Variants in MYH14 observed in about 807,000 individuals in gnomAD.
MYH14 encodes the protein myosin heavy chain 14.
In MYH14, 123 loss-of-function variants were observed where a neutral mutation model predicts 255.5. The observed-to-expected ratio is 0.48, with a 90% confidence interval of 0.42 to 0.56. The LOEUF is 0.56. MYH14 is among the 20% of genes least tolerant of loss of function. The probability of loss-of-function intolerance (pLI) is 0.00; values close to 1 mark genes in which losing one functional copy is unlikely to be tolerated. For missense variants in MYH14, 2,423 were observed against 2,802.3 expected, an observed-to-expected ratio of 0.86 and a Z score of 3.06; for synonymous variants, 1,095 against 1,161.2, an observed-to-expected ratio of 0.94 and a Z score of 1.16.
intron 39 of MYH14, among the ~76,000 whole-genome samples, chr19:50,298,997 C>G (rs541360677): frequency 7.9e-5 from 12 of 151,238 alleles, no homozygotes; most frequent in African/African-American, 2.9e-4. Flanking sequence ...AGGCTGAGGC[C>G]GGAGAATCGC....
At chr19:50,208,548 ACTAT>A (rs1335787590) in intron 1 of MYH14, among the ~76,000 whole-genome samples, 1 of 152,336 alleles carries the variant, frequency 6.6e-6, no homozygotes, top group Non-Finnish European at 1.5e-5. Context: ...CAAAAACCAT[ACTAT>A]CTAATTTACA....
chr19:50,278,033 T>G, intron 29 of MYH14, 50 bp from the exon 30 acceptor site: 1 of 1,417,948 alleles, frequency 7.1e-7, no homozygotes. Flanking sequence ...GTGCCTGGCC[T>G]GGTCCAGGAA....
In MYH14 at chr19:50,261,469, T is replaced by G; in HGVS notation, c.2425-6T>G. On this transcript the variant is annotated splice_polypyrimidine_tract_variant and splice_region_variant and intron_variant, in intron 20 of 42. Coordinates refer to ENST00000642316, the MANE Select transcript of MYH14 (RefSeq NM_001145809.2). ...TCCGTCATCACCCCTCTCCCACCCC[T>G]CACAGATCCAGGCGCTGGAACTGGA... The G allele has an allele frequency of 9.7e-7, 1 of 1,025,672 alleles. No individual in the cohort carries two copies. The highest frequency in any genetic ancestry group is 1.2e-6 in the Non-Finnish European group (1 of 822,930). 63.5% of individuals were successfully genotyped at this position (1,025,672 alleles called of 1,614,324 possible). A position where few individuals can be genotyped will look rare whatever the true frequency, so the allele number is the denominator to read the frequency against.
At chr19:50,251,506 TATATATATACACACTACACACACAC>T (rs1568500338) in intron 15 of MYH14, among the ~76,000 whole-genome samples, 9,206 of 124,344 alleles carry the variant, frequency 0.074, 527 homozygotes, top group East Asian at 0.21. Flanking sequence ...TATACACACA[TATATATATACACACTACACACACAC>T]ACACACACAC....
At position 50,268,524 on chromosome 19, in the gene MYH14, G is replaced by A. The variant is rs920498308; in HGVS notation, c.3033+157G>A. Among the ~76,000 whole-genome samples the A allele has an allele frequency of 5.3e-5, 8 of 152,234 alleles. 1 individual carries two copies. Among genetic ancestry groups the A allele is most frequent in the Admixed American group, 3.3e-4 (5 of 15,280 alleles). The stretch of plus-strand genomic sequence containing the variant: ...AAAGAATACATTTTTGATTCAGATC[G>A]CGGGAGACCTTAAAATGTGTGAGCT... On this transcript the variant is annotated intron_variant, in intron 24 of 42. Transcript: ENST00000642316.
rs1177555982 is a variant in MYH14 at position 50,280,397 on chromosome 19, C to T, written c.4290+14C>T. The T allele has an allele frequency of 9.9e-6, 15 of 1,517,348 alleles. No homozygotes were observed. Among genetic ancestry groups the T allele is most frequent in the East Asian group, 2.5e-5 (1 of 40,392 alleles). 94.0% of individuals were successfully genotyped at this position (1,517,348 alleles called of 1,614,324 possible). On this transcript the variant is annotated intron_variant, in intron 32 of 42. Coordinates refer to ENST00000642316, the MANE Select transcript of MYH14 (RefSeq NM_001145809.2). This position sits in a 1 kb window ranked among gnomAD's most constrained non-coding sequence, Gnocchi z 4.8. ...GCCCAGGCCCAGGTGAGCAGCCCTA[C>T]GTAAGACCTTCAGGGAGGCACAGCC...
intron 19 of MYH14, among the ~76,000 whole-genome samples, 182 bp downstream of exon 19, chr19:50,259,447 C>T (rs1274686648): frequency 6.6e-6 from 1 of 152,180 alleles, no homozygotes; most frequent in Non-Finnish European, 1.5e-5. Context: ...AACAATAGCC[C>T]ACTTGATGCA....
intron 8 of MYH14, among the ~76,000 whole-genome samples, chr19:50,227,168 G>A (rs910450338): frequency 1.3e-5 from 2 of 152,054 alleles, no homozygotes; most frequent in African/African-American, 2.4e-5. Flanking sequence ...ATGGGGTGGT[G>A]GGTTGGGGTC....
intron 10 of MYH14, among the ~76,000 whole-genome samples, chr19:50,233,852 G>A (rs10420067): frequency 0.48 from 63,314 of 131,518 alleles, 14,705 homozygotes; most frequent in East Asian, 0.6. Flanking sequence ...TTTTTGAGAC[G>A]GAGTCTTGCT....
At chr19:50,277,589 CAG>C (rs1169193051) in intron 29 of MYH14, among the ~76,000 whole-genome samples, 2 of 151,866 alleles carry the variant, frequency 1.3e-5, no homozygotes, top group Non-Finnish European at 2.9e-5. Context: ...GCCTGGGTGA[CAG>C]AGCAAGACTC....
intron 34 of MYH14, among the ~76,000 whole-genome samples, chr19:50,287,661 C>T (rs1261932651): frequency 6.6e-6 from 1 of 152,154 alleles, no homozygotes; most frequent in Non-Finnish European, 1.5e-5. Context: ...AATCCTCCCA[C>T]TTCAGCCTCC....
chr19:50,232,015 C>A lies in MYH14; in HGVS notation c.1059C>A (p.Phe353Leu). ...CTCCCGGCCAGGAGCGGGAACTCTT[C>A]CAGGAGACGCTGGAGTCGCTGCGGG... ...SSSPGQERELFQETLESLRVL... is the reference protein window; with the variant it reads ...SSSPGQERELLQETLESLRVL... The change falls in exon 10 of 43, where the codon TTC (phenylalanine) becomes TTA (leucine). Residue 353 changes from phenylalanine (F) to leucine (L), a missense_variant. Physicochemically the swap from Phe to Leu is conservative, Grantham distance 22. This residue lies in a region of MYH14 where 672 missense variants were observed against 881.8 expected (regional missense o/e 0.76). Transcript: ENST00000642316. 6.2e-7 allele frequency: 1 copy of A among 1,613,722 alleles called. No homozygotes were observed.
At position 50,276,832 on chromosome 19, in the gene MYH14, G is replaced by A. The variant is rs368640289; in HGVS notation, c.3756G>A (p.Val1252=). 16 of 1,612,808 alleles carry A rather than the reference G, an allele frequency of 9.9e-6. No homozygotes were observed. The East Asian group carries it at 1.1e-4, about 11-fold the overall frequency. ...EEETRIHEAA[V]QELRQRHGQA... ...AGACTCGCATCCACGAGGCGGCAGT[G>A]CAGGAGCTGAGGCAGCGCCACGGCC... Residue 1252 remains valine (V), a synonymous_variant, in exon 29 of 43, where the codon GTG becomes GTA. Coordinates refer to ENST00000642316, the MANE Select transcript of MYH14 (RefSeq NM_001145809.2). This position sits in a 1 kb window ranked among gnomAD's most constrained non-coding sequence, Gnocchi z 4.3.
At chr19:50,307,781 G>C (rs1261173570) in intron 41 of MYH14, among the ~76,000 whole-genome samples, 1 of 152,218 alleles carries the variant, frequency 6.6e-6, no homozygotes, top group Non-Finnish European at 1.5e-5. Context: ...GATATATTTT[G>C]CATCAGAGTC....
chr19:50,228,556 C>G (rs1221337540), intron 8 of MYH14, among the ~76,000 whole-genome samples: 1 of 152,134 alleles, frequency 6.6e-6, no homozygotes, highest in South Asian at 2.1e-4. Flanking sequence ...AAGTCCCCAG[C>G]AGCACCGCAG....
At chr19:50,302,003 C>T in intron 40 of MYH14, 134 bp downstream of exon 40, 2 of 726,784 alleles carry the variant, frequency 2.8e-6, no homozygotes, top group Non-Finnish European at 4.5e-6. Context: ...GCTGGCCTGG[C>T]ATGGTGGCTC....
In MYH14 at chr19:50,280,003, A is replaced by G; in HGVS notation, c.4033-34A>G. 1 of 1,515,640 alleles carries G rather than the reference A, an allele frequency of 6.6e-7. No homozygotes were observed. The allele number at this position is 1,515,640 out of a possible 1,614,324, so 93.9% of individuals were successfully genotyped here. ...ATGGGGTCACTGGGTGGAAGCCACGATTGGAGGGCTTCATTCCCGTCCCTT... is the reference window on the plus strand; with the variant it reads ...ATGGGGTCACTGGGTGGAAGCCACGGTTGGAGGGCTTCATTCCCGTCCCTT... On this transcript the variant is annotated intron_variant, in intron 30 of 42. Transcript: ENST00000642316. This position sits in a 1 kb window ranked among gnomAD's most constrained non-coding sequence, Gnocchi z 4.8.
intron 3 of MYH14, 40 bp from the exon 4 acceptor site, chr19:50,223,042 AC>A: frequency 6.3e-7 from 1 of 1,597,540 alleles, no homozygotes; most frequent in Non-Finnish European, 8.6e-7. Context: ...CCTGCTAGAG[AC>A]TCTCTCAGAT....
At position 50,293,652 on chromosome 19, in the gene MYH14, C is replaced by CCTG; in HGVS notation, c.5434_5435insCTG (p.Leu1812delinsProVal). 6.2e-7 allele frequency: 1 copy of CCTG among 1,604,742 alleles called. No homozygotes were observed. The highest frequency in any genetic ancestry group is 1.7e-5 in the Admixed American group (1 of 58,534). On this transcript the variant is annotated protein_altering_variant, in exon 39 of 43. Transcript: ENST00000642316. This position sits in a 1 kb window ranked among gnomAD's most constrained non-coding sequence, Gnocchi z 4.1. ...GGAGGAGGAGCAGAGCAACTCGGAG[C>CCTG]TGCTCAATGACCGCTACCGCAAGCT...
Sources: gnomAD v4.1 joint callset for allele counts (sites outside exome capture counted in the v4.1 genomes callset) on GRCh38, gnomAD v4.1.1 for gene constraint, gnomAD v4.1.1 regional missense constraint, Gnocchi (gnomAD v3.1) non-coding constraint, MANE v1.5 for transcripts, NCBI Gene and HGNC (gene_info 2026-07-23, HGNC 2026-07-21) for gene names.